Variants in ESR1 observed in about 807,000 individuals in gnomAD.
ESR1 encodes estrogen receptor.
ESR1 carries 12 observed loss-of-function variants against 52.7 expected under a neutral mutation model. The observed-to-expected ratio is 0.23, with a 90% CI of 0.15 to 0.37. The LOEUF (loss-of-function observed/expected upper bound fraction) is 0.37. ESR1 is among the 10% of genes least tolerant of loss of function. The probability of loss-of-function intolerance (pLI) is 1.00; values close to 1 mark genes in which losing one functional copy is unlikely to be tolerated. For missense variants in ESR1, 584 were observed against 779.7 expected, an observed-to-expected ratio of 0.75 and a Z score of 2.99; for synonymous variants, 305 against 316.8, an observed-to-expected ratio of 0.96 and a Z score of 0.39.
chr6:151,851,680 A>C (rs1421626044), intron 2 of ESR1, among the ~76,000 whole-genome samples: 1 of 152,022 alleles, frequency 6.6e-6, no homozygotes, highest in Non-Finnish European at 1.5e-5. Flanking sequence ...GGCGTCCACC[A>C]CCATGCCTGG....
At chr6:151,950,249 T>A (rs1462092685) in intron 4 of ESR1, among the ~76,000 whole-genome samples, 1 of 152,178 alleles carries the variant, frequency 6.6e-6, no homozygotes, top group Non-Finnish European at 1.5e-5. Context: ...GAAAACAGAC[T>A]AATACAGTGA....
At chr6:151,957,327 C>G (rs1584468195) in intron 4 of ESR1, among the ~76,000 whole-genome samples, 1 of 152,188 alleles carries the variant, frequency 6.6e-6, no homozygotes. Flanking sequence ...TTTTTTAAGA[C>G]TATTACATAA....
rs148034868 is a variant in ESR1 at position 151,842,686 on chromosome 6, A to T, written c.542A>T (p.Glu181Val). 6.2e-7 allele frequency: 1 copy of T among 1,613,962 alleles called. No homozygotes were observed. Among genetic ancestry groups the T allele is most frequent in the Non-Finnish European group, 8.5e-7 (1 of 1,179,920 alleles). The change falls in exon 2 of 8, where the codon GAG becomes GTG. Residue 181 changes from glutamate (E) to valine (V), a missense_variant. Glu to Val is a moderately radical substitution (Grantham distance 121). Transcript: ENST00000206249. The stretch of plus-strand genomic sequence containing the variant: ...AGTATGGCTATGGAATCTGCCAAGG[A>T]GACTCGCTACTGTGCAGTGTGCAAT... ...KGSMAMESAK[E>V]TRYCAVCNDY... is the part of the protein sequence containing the mutation.
At chr6:151,782,866 A>G (rs1027478332) in intron 2 of ESR1, among the ~76,000 whole-genome samples, 2 of 152,180 alleles carry the variant, frequency 1.3e-5, no homozygotes, top group South Asian at 2.1e-4. Context: ...GCTCTTTCCC[A>G]TACTCCACAT....
chr6:151,899,674 C>T (rs1796335172), intron 3 of ESR1, among the ~76,000 whole-genome samples: 1 of 151,190 alleles, frequency 6.6e-6, no homozygotes, highest in Non-Finnish European at 1.5e-5. Context: ...CTCCTCACTT[C>T]TCAGACAGGG....
intron 2 of ESR1, among the ~76,000 whole-genome samples, chr6:151,710,023 G>T (rs1397080478): frequency 6.6e-6 from 1 of 151,530 alleles, no homozygotes; most frequent in Non-Finnish European, 1.5e-5. Context: ...AGGCTCAACT[G>T]CATCTCTTTT....
chr6:151,931,143 C>T (rs563606190), intron 3 of ESR1, among the ~76,000 whole-genome samples: 12 of 151,922 alleles, frequency 7.9e-5, no homozygotes, highest in African/African-American at 1.2e-4. Flanking sequence ...ATTTCTTCTT[C>T]GCCTTTCTTT....
rs142059853 is a variant in ESR1, at chr6:151,928,998, T to G, written c.761-15175T>G. The stretch of plus-strand genomic sequence containing the variant: ...GAATGTGGTCTATCTTGGTGCGTAT[T>G]CCATCAGAACTTGAGAAGAATGTGT... On this transcript the variant is annotated intron_variant, in intron 3 of 7. Transcript: ENST00000206249. 2.4e-4 allele frequency among the ~76,000 whole-genome samples: 37 copies of G among 152,330 alleles called. No homozygotes were observed. In the East Asian group the frequency reaches 6.7e-3, roughly 28 times the overall value.
At chr6:151,878,158 C>G (rs1398833674) in intron 2 of ESR1, among the ~76,000 whole-genome samples, 1 of 152,112 alleles carries the variant, frequency 6.6e-6, no homozygotes, top group East Asian at 1.9e-4. Flanking sequence ...TCAGCATATA[C>G]TGCATAAATA....
chr6:151,710,285 C>A (rs1780500072), intron 2 of ESR1, among the ~76,000 whole-genome samples: 2 of 150,012 alleles, frequency 1.3e-5, no homozygotes. Context: ...TTTTTTCAGT[C>A]CAAATAGGAT....
rs536955618 is a variant in ESR1 at position 152,024,386 on chromosome 6, T to C, written c.1235+12592T>C. 8.5e-5 allele frequency among the ~76,000 whole-genome samples: 13 copies of C among 152,138 alleles called. No individual in the cohort carries two copies. In the East Asian group the frequency reaches 2.3e-3, roughly 27 times the overall value. On this transcript the variant is annotated intron_variant, in intron 5 of 7. Transcript: ENST00000206249. ...CTTGTTTCTTTTTCTATGTGACCTT[T>C]AGAATTAACTTGTTTAATTCTATAA...
intron 4 of ESR1, among the ~76,000 whole-genome samples, chr6:151,955,719 T>G (rs964811345): frequency 3.9e-5 from 6 of 152,196 alleles, no homozygotes; most frequent in African/African-American, 1.4e-4. Flanking sequence ...GAACTGTTAT[T>G]TAAAAAAAGT....
intron 6 of ESR1, among the ~76,000 whole-genome samples, chr6:152,112,486 C>A (rs924511594): frequency 1.5e-4 from 23 of 152,140 alleles, no homozygotes; most frequent in Non-Finnish European, 3.2e-4. Context: ...ACACAAAGGC[C>A]ACCAAAGGAA....
intron 1 of ESR1, among the ~76,000 whole-genome samples, chr6:151,694,619 T>C (rs1037285010): frequency 1.3e-5 from 2 of 152,030 alleles, no homozygotes; most frequent in East Asian, 3.9e-4. Flanking sequence ...GAAACCCGTC[T>C]CCACTAAAAA....
At chr6:151,740,519 C>T (rs1291610495) in intron 2 of ESR1, among the ~76,000 whole-genome samples, 4 of 151,924 alleles carry the variant, frequency 2.6e-5, no homozygotes, top group Non-Finnish European at 5.9e-5. Flanking sequence ...AAATGGCTCT[C>T]ACCTCCAGGA....
At chr6:151,946,718 C>T (rs1024548353) in intron 4 of ESR1, among the ~76,000 whole-genome samples, 1 of 151,964 alleles carries the variant, frequency 6.6e-6, no homozygotes, top group Non-Finnish European at 1.5e-5. Context: ...TGTGTGTGTT[C>T]CATGGGAATA....
rs376961380 is a variant in ESR1 at position 151,769,428 on chromosome 6, A to T, written c.-70-38415A>T. On this transcript the variant is annotated intron_variant, in intron 2 of 2. Coordinates refer to the ESR1 transcript ENST00000404742. ...TAGCCCTGATCTCGACTCTGACCAC[A>T]TGCGCGCACACCCTCCCCCAACCCT... Among the ~76,000 whole-genome samples the T allele has an allele frequency of 3.3e-5, 5 of 152,126 alleles. No individual in the cohort carries two copies. The East Asian group carries it at 7.7e-4, about 23-fold the overall frequency.
intron 1 of ESR1, among the ~76,000 whole-genome samples, chr6:151,691,604 A>G (rs2982571): frequency 7.1e-4 from 108 of 152,160 alleles, no homozygotes; most frequent in Non-Finnish European, 1.2e-3. Flanking sequence ...TAATGCCTTT[A>G]TGTGCCAGAT....
chr6:151,907,602 G>A (rs1797649752), intron 3 of ESR1, among the ~76,000 whole-genome samples: 1 of 151,794 alleles, frequency 6.6e-6, no homozygotes, highest in Non-Finnish European at 1.5e-5. Flanking sequence ...AATTATTAGA[G>A]GAGCTGCATT....
Sources: gnomAD v4.1 joint callset for allele counts (sites outside exome capture counted in the v4.1 genomes callset) on GRCh38, gnomAD v4.1.1 for gene constraint, MANE v1.5 for transcripts, NCBI Gene and HGNC (gene_info 2026-07-23, HGNC 2026-07-21) for gene names.